The following SKIDA1 variants were observed in gnomAD, a reference collection of about 807,000 sequenced individuals.
SKIDA1 encodes the protein SKI/DACH domain-containing protein 1.
In SKIDA1, 18 loss-of-function variants were observed where a neutral mutation model predicts 51.4. That is an observed-to-expected ratio of 0.35 (90% CI 0.24 to 0.52). The LOEUF (loss-of-function observed/expected upper bound fraction) is 0.52. Ranked by LOEUF, SKIDA1 falls within the 20% of genes least tolerant of loss-of-function variation. The pLI is 0.95. For missense variants in SKIDA1, 1,104 were observed against 1,180.6 expected (o/e 0.94, Z 0.95); for synonymous variants, 579 against 500.5 (o/e 1.16, Z -2.09).
chr10:21,513,944 G>A lies in SKIDA1; in HGVS notation c.*1152C>T, dbSNP rs1793732099. ...CGAGAAATATTTCAGCCCGGGCATG[G>A]TGGATCACACCTTTAATCCCAGCAC... On this transcript the variant is annotated 3_prime_UTR_variant, in exon 4 of 4. Transcript: ENST00000449193. The A allele has an allele frequency of 6.6e-6, 1 of 152,086 alleles. No individual in the cohort carries two copies. 9.4% of individuals were successfully genotyped at this position (152,086 alleles called of 1,614,324 possible).
intron 3 of SKIDA1, among the ~76,000 whole-genome samples, chr10:21,520,265 T>A (rs1421366393): frequency 6.6e-6 from 1 of 152,158 alleles, no homozygotes; most frequent in East Asian, 1.9e-4. Flanking sequence ...TGCATCTGGA[T>A]CTATTACACC....
Position 21,515,987 on chromosome 10 carries a change from A to G in SKIDA1, c.1836T>C (p.Asp612=). ...LQTTPTTHCA[D]NNTIAARFLN... is the part of the protein sequence containing the mutation. ...AGAACCTAGCAGCTATTGTGTTGTT[A>G]TCTGCACAGTGTGTAGTAGGAGTTG... The change falls in exon 4 of 4, where the codon GAT becomes GAC. Residue 612 remains aspartate (D), a synonymous_variant. Transcript: ENST00000449193. 6.2e-7 allele frequency: 1 copy of G among 1,614,036 alleles called. No homozygotes were observed. Among genetic ancestry groups the G allele is most frequent in the African/African-American group, 1.3e-5 (1 of 75,058 alleles).
rs774740986 is a variant in SKIDA1 at position 21,516,446 on chromosome 10, C to T, written c.1377G>A (p.Val459=). The T allele has an allele frequency of 3.1e-6, 5 of 1,612,796 alleles. No individual in the cohort carries two copies. The highest frequency in any genetic ancestry group is 1.1e-5 in the South Asian group (1 of 91,026). Residue 459 remains valine (V), a synonymous_variant, in exon 4 of 4, where the codon GTG becomes GTA. Transcript: ENST00000449193. The surrounding 1 kb of genome is among the most constrained non-coding windows in gnomAD (Gnocchi z 5.7). ...ESDSSSGSSQ[V]SVQSIRFRRT... The stretch of plus-strand genomic sequence containing the variant: ...GCCTGAATCGGATGCTCTGCACTGA[C>T]ACTTGGCTGGAGCCGGAGCTGGAGT...
rs1327265252 is a variant in SKIDA1 at position 21,514,152 on chromosome 10, T to C, written c.*944A>G. On this transcript the variant is annotated 3_prime_UTR_variant, in exon 4 of 4. Transcript: ENST00000449193. ...ATCGTTTGAACCCAGGAGGTGGAGG[T>C]TGCAGTGAGCCAAGATTGTGCCACT... 1 of 143,980 alleles carries C rather than the reference T, an allele frequency of 6.9e-6. No homozygotes were observed. Among genetic ancestry groups the C allele is most frequent in the African/African-American group, 2.6e-5 (1 of 38,446 alleles). 8.9% of individuals were successfully genotyped at this position (143,980 alleles called of 1,614,324 possible).
In SKIDA1 at chr10:21,514,354, TC is replaced by T. The variant is rs2032127970; in HGVS notation, c.*741del. The T allele has an allele frequency of 6.6e-6, 1 of 152,094 alleles. No individual in the cohort carries two copies. The highest frequency in any genetic ancestry group is 1.5e-5 in the Non-Finnish European group (1 of 68,008). The allele number at this position is 152,094 out of a possible 1,614,324, so 9.4% of individuals were successfully genotyped here. A position where few individuals can be genotyped will look rare whatever the true frequency, so the allele number is the denominator to read the frequency against. ...TGGGTGAGAACACAAAACAGACTTT[TC>T]CTGTTGCAAAGGAGTGGCTTTAAAA... On this transcript the variant is annotated 3_prime_UTR_variant, in exon 4 of 4. Transcript: ENST00000449193.
At chr10:21,520,646 CCT>C (rs139656579) in intron 3 of SKIDA1, among the ~76,000 whole-genome samples, 28 of 142,364 alleles carry the variant, frequency 2.0e-4, no homozygotes, top group African/African-American at 3.7e-4. Context: ...GTTTATATTT[CCT>C]CTCTCTCTCT....
Position 21,515,037 on chromosome 10 carries a change from G to T in SKIDA1, c.*59C>A, listed in dbSNP as rs2032156197. 3.4e-6 allele frequency: 5 copies of T among 1,491,188 alleles called. No individual in the cohort carries two copies. The South Asian group carries it at 6.9e-5, about 21-fold the overall frequency. The allele number at this position is 1,491,188 out of a possible 1,614,324, so 92.4% of individuals were successfully genotyped here. On this transcript the variant is annotated 3_prime_UTR_variant, in exon 4 of 4. Coordinates refer to ENST00000449193, the MANE Select transcript of SKIDA1 (RefSeq NM_207371.4). ...TTAATGGACTTGTACAAACCATCCT[G>T]TGCAGTTTACAACAAAAGGAAGGTA...
rs1176450213 is a variant in SKIDA1 at position 21,517,671 on chromosome 10, T to C, written c.152A>G (p.His51Arg). The C allele has an allele frequency of 3.7e-6, 6 of 1,613,922 alleles. No individual in the cohort carries two copies. Among genetic ancestry groups the C allele is most frequent in the African/African-American group, 1.3e-5 (1 of 74,952 alleles). ...GCAGTGGTGCTTCTTCACTTTCAGA[T>C]GATCCATGCGCTTGTGCACGGTCGT... is the stretch of plus-strand genomic sequence containing the variant. ...PRTTVHKRMDHLKVKKHHCDL... is the reference protein window; with the variant it reads ...PRTTVHKRMDRLKVKKHHCDL... Residue 51 changes from histidine to arginine, a missense_variant, in exon 4 of 4, where the codon CAT becomes CGT. By Grantham distance (29) the His-to-Arg change is conservative. Coordinates refer to ENST00000449193, the MANE Select transcript of SKIDA1 (RefSeq NM_207371.4). This position sits in a 1 kb window ranked among gnomAD's most constrained non-coding sequence, Gnocchi z 6.9.
Position 21,515,978 on chromosome 10 carries a change from T to G in SKIDA1, c.1845A>C (p.Thr615=), listed in dbSNP as rs1258317179. Reference sequence around the variant, plus strand: ...CATTATTTAAGAACCTAGCAGCTATTGTGTTGTTATCTGCACAGTGTGTAG... The same window carrying G: ...CATTATTTAAGAACCTAGCAGCTATGGTGTTGTTATCTGCACAGTGTGTAG... The part of the protein sequence containing the change: ...TPTTHCADNN[T]IAARFLNNDS... The change falls in exon 4 of 4, where the codon ACA becomes ACC. Residue 615 remains threonine (T), a synonymous_variant. Transcript: ENST00000449193. 2 of 1,613,854 alleles carry G rather than the reference T, an allele frequency of 1.2e-6. No homozygotes were observed. The highest frequency in any genetic ancestry group is 3.3e-5 in the Admixed American group (2 of 59,990).
rs1353534468 is a variant in SKIDA1, at chr10:21,518,021, A to T, written c.-199T>A. On this transcript the variant is annotated 5_prime_UTR_variant, in exon 4 of 4. Transcript: ENST00000449193. The stretch of plus-strand genomic sequence containing the variant: ...TATTGGGGGGGGGGAAACCCCATGA[A>T]ATTACACTGACTTGATTCTTGCTTT... The T allele has an allele frequency of 3.6e-6, 2 of 557,630 alleles. No homozygotes were observed. Among genetic ancestry groups the T allele is most frequent in the African/African-American group, 1.9e-5 (1 of 52,496 alleles). 34.5% of individuals were successfully genotyped at this position (557,630 alleles called of 1,614,324 possible).
chr10:21,521,153 C>G (rs1162792220), intron 3 of SKIDA1, among the ~76,000 whole-genome samples: 1 of 151,836 alleles, frequency 6.6e-6, no homozygotes, highest in African/African-American at 2.4e-5. Context: ...GGGGTCTTCT[C>G]CAGGCACATT....
chr10:21,521,411 A>G lies in SKIDA1; in HGVS notation c.-1859T>C, dbSNP rs1018102357. 3 of 152,662 alleles carry G rather than the reference A, an allele frequency of 2.0e-5. No homozygotes were observed. The highest frequency in any genetic ancestry group is 4.4e-5 in the Non-Finnish European group (3 of 68,044). 9.5% of individuals were successfully genotyped at this position (152,662 alleles called of 1,614,324 possible). ...TACTTTGCCTGATGTGCAGATCCAGATGTATAAAGTACTATTCTTCAAAAG... is the reference window on the plus strand; with the variant it reads ...TACTTTGCCTGATGTGCAGATCCAGGTGTATAAAGTACTATTCTTCAAAAG... On this transcript the variant is annotated 5_prime_UTR_variant, in exon 3 of 4. Coordinates refer to ENST00000449193, the MANE Select transcript of SKIDA1 (RefSeq NM_207371.4).
chr10:21,519,490 C>G lies in SKIDA1; in HGVS notation c.-1668G>C, dbSNP rs1388217766. The G allele has an allele frequency of 2.4e-5, 4 of 167,190 alleles. No individual in the cohort carries two copies. In the East Asian group the frequency reaches 7.7e-4, roughly 32 times the overall value. 10.4% of individuals were successfully genotyped at this position (167,190 alleles called of 1,614,324 possible). On this transcript the variant is annotated 5_prime_UTR_variant, in exon 4 of 4. Transcript: ENST00000449193. ...AAGGGTCCTCCCAGTCGCATTACCA[C>G]GATCCCAAGGCGGCTCCTTGGCTGC...
rs747200128 is a variant in SKIDA1, at chr10:21,517,293, G to A, written c.530C>T (p.Pro177Leu). ...AHLPQIFSKY[P>L]GSHYPEIVRS... ...CACGATCTCCGGGTAGTGCGAGCCG[G>A]GGTATTTGCTAAAAATCTGAGGTAG... The change falls in exon 4 of 4, where the codon CCC becomes CTC. Residue 177 changes from proline (P) to leucine (L), a missense_variant. By Grantham distance (98) the Pro-to-Leu change is moderately conservative. This residue lies in a region of SKIDA1 where 938 missense variants were observed against 886.4 expected (regional missense o/e 1.06). Transcript: ENST00000449193. The surrounding 1 kb of genome is among the most constrained non-coding windows in gnomAD (Gnocchi z 6.9). The A allele has an allele frequency of 2.7e-6, 4 of 1,467,472 alleles. No homozygotes were observed. The South Asian group carries it at 5.3e-5, about 20-fold the overall frequency. 90.9% of individuals were successfully genotyped at this position (1,467,472 alleles called of 1,614,324 possible). A position where few individuals can be genotyped will look rare whatever the true frequency, so the allele number is the denominator to read the frequency against.
In SKIDA1 at chr10:21,519,791, A is replaced by G. The variant is rs1465384541; in HGVS notation, c.-1836-133T>C. 2.5e-5 allele frequency: 4 copies of G among 162,026 alleles called. No homozygotes were observed. In the East Asian group the frequency reaches 7.7e-4, roughly 31 times the overall value. The allele number at this position is 162,026 out of a possible 1,614,324, so 10.0% of individuals were successfully genotyped here. On this transcript the variant is annotated intron_variant, in intron 3 of 3. Transcript: ENST00000449193. ...AAAGATAAAAACTGAGGAATCAGACATACAAAAAGGTAGTTTGCCTGACAA... is the reference window on the plus strand; with the variant it reads ...AAAGATAAAAACTGAGGAATCAGACGTACAAAAAGGTAGTTTGCCTGACAA...
rs2032336128 is a variant in SKIDA1, at chr10:21,519,576, A to C, written c.-1754T>G. ...GTGTTTGCAACTACAACATAAATGC[A>C]ACCCAGGCATTTATGTGTTTCCTTG... On this transcript the variant is annotated 5_prime_UTR_variant, in exon 4 of 4. Coordinates refer to ENST00000449193, the MANE Select transcript of SKIDA1 (RefSeq NM_207371.4). 1 of 167,088 alleles carries C rather than the reference A, an allele frequency of 6.0e-6. No individual in the cohort carries two copies. Among genetic ancestry groups the C allele is most frequent in the Non-Finnish European group, 1.5e-5 (1 of 68,122 alleles). 10.4% of individuals were successfully genotyped at this position (167,088 alleles called of 1,614,324 possible).
At chr10:21,523,317 TATG>T (rs1353490474) in intron 2 of SKIDA1, among the ~76,000 whole-genome samples, 3 of 152,172 alleles carry the variant, frequency 2.0e-5, no homozygotes, top group Non-Finnish European at 4.4e-5. Context: ...ACACCATAAT[TATG>T]ATGGTGATAA....
At position 21,523,773 on chromosome 10, in the gene SKIDA1, G is replaced by C. The variant is rs560826804; in HGVS notation, c.-2019C>G. On this transcript the variant is annotated 5_prime_UTR_variant, in exon 2 of 4. Coordinates refer to ENST00000449193, the MANE Select transcript of SKIDA1 (RefSeq NM_207371.4). ...TGAGGAGCCTGATGGTCTCTGGAAA[G>C]GGAATCCTCTTCTGGTTCTGTTCCC... 1 of 152,076 alleles carries C rather than the reference G, an allele frequency of 6.6e-6. No homozygotes were observed. Among genetic ancestry groups the C allele is most frequent in the Non-Finnish European group, 1.5e-5 (1 of 68,036 alleles). 9.4% of individuals were successfully genotyped at this position (152,076 alleles called of 1,614,324 possible).
Position 21,516,674 on chromosome 10 carries a change from G to C in SKIDA1, c.1149C>G (p.Ser383=). The C allele has an allele frequency of 6.4e-7, 1 of 1,551,632 alleles. No homozygotes were observed. Among genetic ancestry groups the C allele is most frequent in the East Asian group, 2.4e-5 (1 of 40,892 alleles). The change falls in exon 4 of 4, where the codon TCC becomes TCG. Residue 383 remains serine, a synonymous_variant. Transcript: ENST00000449193. This position sits in a 1 kb window ranked among gnomAD's most constrained non-coding sequence, Gnocchi z 5.7. ...GSFPESCSSD[S]ESSSYSDHAA... ...CGTGGTCCGAGTAGGAGCTGGACTC[G>C]GAGTCGCTGCTGCAGCTCTCGGGAA...
Sources: gnomAD v4.1 joint callset for allele counts (sites outside exome capture counted in the v4.1 genomes callset) on GRCh38, gnomAD v4.1.1 for gene constraint, gnomAD v4.1.1 regional missense constraint, Gnocchi (gnomAD v3.1) non-coding constraint, MANE v1.5 for transcripts, NCBI Gene and HGNC (gene_info 2026-07-23, HGNC 2026-07-21) for gene names.